The following SH3KBP1 variants were observed in gnomAD, a reference collection of about 807,000 sequenced individuals.
SH3KBP1 encodes the protein SH3 domain-containing kinase-binding protein 1.
A neutral mutation model predicts 50.1 loss-of-function variants in SH3KBP1; 8 were observed. The ratio of observed to expected loss-of-function variants is 0.16; its 90% CI spans 0.09 to 0.29. SH3KBP1 has a LOEUF of 0.29. Among genes scored for constraint, SH3KBP1 ranks in the 10% least tolerant of loss-of-function variants. The pLI, the probability that SH3KBP1 is intolerant of heterozygous loss-of-function variation, is 1.00. For synonymous variants in SH3KBP1, 227 were observed against 218.6 expected (o/e 1.04, Z -0.34); for missense variants, 377 against 535.2 (o/e 0.70, Z 2.92).
intron 4 of SH3KBP1, among the ~76,000 whole-genome samples, chrX:19,698,914 AATG>A (rs2063483260): frequency 9.0e-6 from 1 of 110,872 alleles, no homozygotes; most frequent in African/African-American, 3.3e-5. Context: ...TGAATGAATG[AATG>A]GCAGAGACAT....
intron 3 of SH3KBP1, among the ~76,000 whole-genome samples, chrX:19,739,329 A>C (rs756351935): frequency 2.7e-5 from 3 of 112,423 alleles, no homozygotes; most frequent in Non-Finnish European, 3.8e-5. Flanking sequence ...ACAACAATGA[A>C]GCCAAAAAGT....
At chrX:19,750,104 G>A (rs1295504452) in intron 2 of SH3KBP1, among the ~76,000 whole-genome samples, 1 of 110,997 alleles carries the variant, frequency 9.0e-6, no homozygotes, top group Non-Finnish European at 1.9e-5. Flanking sequence ...CTGTTGCCCA[G>A]GCTGGAGTAC....
At chrX:19,657,135 G>A (rs1404218696) in intron 6 of SH3KBP1, among the ~76,000 whole-genome samples, 1 of 111,657 alleles carries the variant, frequency 9.0e-6, no homozygotes, top group Non-Finnish European at 1.9e-5. Context: ...CCAACACTTT[G>A]GGAGGCTGAG....
chrX:19,663,074 A>C (rs1033560895), intron 6 of SH3KBP1, among the ~76,000 whole-genome samples: 3 of 111,453 alleles, frequency 2.7e-5, no homozygotes, highest in African/African-American at 3.3e-5. Context: ...TAGGCAAATT[A>C]AATCCTCATT....
intron 6 of SH3KBP1, among the ~76,000 whole-genome samples, chrX:19,674,940 G>A (rs886631582): frequency 1.6e-4 from 18 of 110,080 alleles, no homozygotes; most frequent in Non-Finnish European, 3.0e-4. Flanking sequence ...TCAGCCGGGC[G>A]TGGTGGCCCA....
intron 9 of SH3KBP1, among the ~76,000 whole-genome samples, chrX:19,607,724 T>C (rs1270793477): frequency 8.9e-6 from 1 of 112,174 alleles, no homozygotes; most frequent in Non-Finnish European, 1.9e-5. Context: ...TGTTTATGTA[T>C]GCAACAACCG....
At chrX:19,582,580 C>T (rs1052621983) in intron 12 of SH3KBP1, among the ~76,000 whole-genome samples, 6 of 112,183 alleles carry the variant, frequency 5.3e-5, no homozygotes, top group Admixed American at 1.9e-4. Context: ...CACCAACCTC[C>T]CCTTTCTGAT....
intron 2 of SH3KBP1, among the ~76,000 whole-genome samples, chrX:19,769,902 G>A (rs1230359493): frequency 9.0e-6 from 1 of 111,314 alleles, no homozygotes; most frequent in Non-Finnish European, 1.9e-5. Context: ...CACTCCTTTT[G>A]TGTCACAGCT....
At chrX:19,877,704 T>C (rs754433271) in intron 1 of SH3KBP1, among the ~76,000 whole-genome samples, 53 of 112,383 alleles carry the variant, frequency 4.7e-4, no homozygotes, top group African/African-American at 1.6e-3. Context: ...TGTAAGGAGA[T>C]GGTTGTTTAA....
At chrX:19,563,696 C>T (rs755936542) in intron 13 of SH3KBP1, among the ~76,000 whole-genome samples, 6 of 112,311 alleles carry the variant, frequency 5.3e-5, no homozygotes, top group African/African-American at 1.9e-4. Flanking sequence ...CACACGTCCA[C>T]ACATGGGCAC....
At chrX:19,670,492 A>G (rs924238811) in intron 6 of SH3KBP1, 2 of 356,711 alleles carry the variant, frequency 5.6e-6, no homozygotes, top group Non-Finnish European at 3.6e-6. Context: ...ATGGTGTAAC[A>G]GTTACCGCTT....
At chrX:19,663,471 T>C (rs1002007184) in intron 6 of SH3KBP1, among the ~76,000 whole-genome samples, 1 of 111,217 alleles carries the variant, frequency 9.0e-6, no homozygotes, top group Admixed American at 9.6e-5. Flanking sequence ...AGAGCAGCAG[T>C]CCTTCTTTGT....
intron 12 of SH3KBP1, chrX:19,588,307 C>G: frequency 9.5e-7 from 1 of 1,056,628 alleles, no homozygotes; most frequent in Non-Finnish European, 1.2e-6. Flanking sequence ...AAGAGGGACA[C>G]GCCACCTGCA....
At chrX:19,874,087 A>ATATATATATATATATATAT (rs1207906391) in intron 1 of SH3KBP1, among the ~76,000 whole-genome samples, 1 of 95,261 alleles carries the variant, frequency 1.0e-5, no homozygotes, top group African/African-American at 4.4e-5. Context: ...ATATATATAT[A>ATATATATATATATATATAT]AAACTCTAAA....
At position 19,614,631 on chromosome X, in the gene SH3KBP1, T is replaced by C. The variant is rs149702716; in HGVS notation, c.898-6586A>G. Among the ~76,000 whole-genome samples the C allele has an allele frequency of 5.1e-3, 574 of 111,795 alleles. 9 individuals are homozygous for C. Among genetic ancestry groups the C allele is most frequent in the African/African-American group, 0.017 (527 of 30,729 alleles). On this transcript the variant is annotated intron_variant, in intron 8 of 17. Coordinates refer to ENST00000397821, the MANE Select transcript of SH3KBP1 (RefSeq NM_031892.3). Reference sequence around the variant, plus strand: ...TTACAATGTCCCTAGGTTTTTCCAGTGTGTAGGCTGAGAATCAGTGATTTA... The same window carrying C: ...TTACAATGTCCCTAGGTTTTTCCAGCGTGTAGGCTGAGAATCAGTGATTTA...
At chrX:19,645,020 G>GTAACCTCTCC (rs1391718633) in intron 7 of SH3KBP1, among the ~76,000 whole-genome samples, 6 of 111,666 alleles carry the variant, frequency 5.4e-5, no homozygotes, top group African/African-American at 2.0e-4. Context: ...AAGTTCAAGT[G>GTAACCTCTCC]GTTAGGCCTC....
At chrX:19,882,474 G>A (rs886855863) in intron 1 of SH3KBP1, among the ~76,000 whole-genome samples, 8 of 111,295 alleles carry the variant, frequency 7.2e-5, no homozygotes, top group African/African-American at 2.3e-4. Context: ...CTGCCCAGCC[G>A]TTGCTGGCTT....
chrX:19,586,720 C>A (rs182547419), intron 12 of SH3KBP1, among the ~76,000 whole-genome samples: 9 of 111,777 alleles, frequency 8.1e-5, no homozygotes, highest in African/African-American at 2.9e-4. Flanking sequence ...CACAGGTGAA[C>A]CAGCTGCTAC....
Position 19,671,886 on chromosome X carries a change from T to C in SH3KBP1, c.726+11937A>G, listed in dbSNP as rs112015228. 6.2e-3 allele frequency among the ~76,000 whole-genome samples: 695 copies of C among 112,546 alleles called. 8 individuals are homozygous for C. The highest frequency in any genetic ancestry group is 0.022 in the African/African-American group (670 of 30,997). On this transcript the variant is annotated intron_variant, in intron 6 of 17. Coordinates refer to ENST00000397821, the MANE Select transcript of SH3KBP1 (RefSeq NM_031892.3). ...ATGCCAAGTAAACAGTATCCTTATC[T>C]TACCACATTTCTCATATGCTTAGAC...
Sources: allele counts gnomAD v4.1 joint callset (sites outside exome capture counted in the v4.1 genomes callset), GRCh38; gene constraint gnomAD v4.1.1; transcripts MANE v1.5; gene names NCBI Gene and HGNC (gene_info 2026-07-23, HGNC 2026-07-21).